TMEM131: variants seen among roughly 807,000 people sequenced by gnomAD.
TMEM131 encodes the protein 2610524E03Rik.
A neutral mutation model predicts 211.6 loss-of-function variants in TMEM131; 66 were observed. The ratio of observed to expected loss-of-function variants is 0.31; its 90% CI spans 0.26 to 0.38. The LOEUF is 0.38. Among genes scored for constraint, TMEM131 ranks in the 10% least tolerant of loss-of-function variants. TMEM131 has a pLI of 1.00. For synonymous variants in TMEM131, 844 were observed against 841.3 expected, an observed-to-expected ratio of 1.00 and a Z score of -0.06; for missense variants, 2,036 against 2,299.3, an observed-to-expected ratio of 0.89 and a Z score of 2.34.
intron 31 of TMEM131, among the ~76,000 whole-genome samples, chr2:97,788,980 A>G (rs1168519165): frequency 1.3e-5 from 2 of 152,208 alleles, no homozygotes; most frequent in Non-Finnish European, 2.9e-5. Flanking sequence ...CTTGTTAAAA[A>G]TTAAATAGGG....
intron 2 of TMEM131, among the ~76,000 whole-genome samples, chr2:97,916,845 C>A (rs1676528329): frequency 6.6e-6 from 1 of 152,184 alleles, no homozygotes; most frequent in Admixed American, 6.5e-5. Flanking sequence ...GTAAAATGAT[C>A]ATAAAATGAA....
At chr2:97,968,099 C>G (rs1679135863) in intron 1 of TMEM131, among the ~76,000 whole-genome samples, 1 of 152,122 alleles carries the variant, frequency 6.6e-6, no homozygotes, top group South Asian at 2.1e-4. Flanking sequence ...CAGCATCCAT[C>G]TGTAGGCCTG....
At chr2:97,840,033 C>T (rs1683123334) in intron 7 of TMEM131, among the ~76,000 whole-genome samples, 1 of 152,158 alleles carries the variant, frequency 6.6e-6, no homozygotes, top group African/African-American at 2.4e-5. Context: ...ACAATCTTTT[C>T]TTACTGTAAT....
chr2:97,908,391 T>C (rs1382953316), intron 3 of TMEM131, among the ~76,000 whole-genome samples: 1 of 152,192 alleles, frequency 6.6e-6, no homozygotes, highest in Non-Finnish European at 1.5e-5. Context: ...GTTACACAGC[T>C]GATCATCTCA....
At chr2:97,943,011 GAAAAGAAAAGAAAAGAAAAGAAAAGAAA>G (rs1158736251) in intron 1 of TMEM131, among the ~76,000 whole-genome samples, 70 of 48,880 alleles carry the variant, frequency 1.4e-3, no homozygotes, top group Admixed American at 7.8e-3. Flanking sequence ...AGAAAAGAAA[GAAAAGAAAAGAAAAGAAAAGAAAAGAAA>G]AGAAAGAAAG....
chr2:97,903,539 T>TA (rs1259731520), intron 3 of TMEM131, among the ~76,000 whole-genome samples: 1 of 152,104 alleles, frequency 6.6e-6, no homozygotes, highest in Non-Finnish European at 1.5e-5. Flanking sequence ...TTATGAATTA[T>TA]AAGAGAAAAA....
At chr2:97,778,186 C>G (rs1408590677) in intron 31 of TMEM131, among the ~76,000 whole-genome samples, 1 of 152,110 alleles carries the variant, frequency 6.6e-6, no homozygotes. Flanking sequence ...AATGAATTTT[C>G]AAAAACTAAA....
chr2:97,832,223 A>G (rs1010134076), intron 11 of TMEM131, among the ~76,000 whole-genome samples: 1 of 152,240 alleles, frequency 6.6e-6, no homozygotes, highest in African/African-American at 2.4e-5. Flanking sequence ...ATTCCATGTC[A>G]TAAGTGACCT....
At chr2:97,828,647 G>A (rs1682511768) in intron 11 of TMEM131, among the ~76,000 whole-genome samples, 1 of 152,232 alleles carries the variant, frequency 6.6e-6, no homozygotes. Context: ...CAAAACTGCT[G>A]AGGCCTAGAC....
At chr2:97,977,628 G>T (rs1019833183) in intron 1 of TMEM131, among the ~76,000 whole-genome samples, 5 of 152,190 alleles carry the variant, frequency 3.3e-5, no homozygotes, top group African/African-American at 1.2e-4. Context: ...TTGTATCTAA[G>T]AAAGTATATA....
At position 97,865,087 on chromosome 2, in the gene TMEM131, T is replaced by A. The variant is rs181479076; in HGVS notation, c.360-5660A>T. On this transcript the variant is annotated intron_variant, in intron 4 of 40. Transcript: ENST00000186436. ...AATCAATAGTTTTTATGTGTATGTA[T>A]GGAACTGGGGCTCTCCATTTTGGGG... is the stretch of plus-strand genomic sequence containing the variant. Among the ~76,000 whole-genome samples, 74 of 152,372 alleles carry A rather than the reference T, an allele frequency of 4.9e-4. 1 individual carries two copies. The highest frequency in any genetic ancestry group is 7.9e-4 in the Non-Finnish European group (54 of 68,028).
In TMEM131 at chr2:97,884,063, A is replaced by C. The variant is rs191702460; in HGVS notation, c.359+3989T>G. On this transcript the variant is annotated intron_variant, in intron 4 of 40. Transcript: ENST00000186436. ...TTTTTGATGTAGGATTTATTGTTAT[A>C]TAAATTTGCCTCTTAATATTGCTTT... Among the ~76,000 whole-genome samples, 17 of 152,258 alleles carry C rather than the reference A, an allele frequency of 1.1e-4. No individual in the cohort carries two copies. In the East Asian group the frequency reaches 3.3e-3, roughly 29 times the overall value.
rs370420766 is a variant in TMEM131, at chr2:97,856,908, T to C, written c.483+2396A>G. Among the ~76,000 whole-genome samples the C allele has an allele frequency of 1.6e-4, 24 of 152,304 alleles. No individual in the cohort carries two copies. The East Asian group carries it at 3.3e-3, about 21-fold the overall frequency. On this transcript the variant is annotated intron_variant, in intron 5 of 40. Coordinates refer to ENST00000186436, the MANE Select transcript of TMEM131 (RefSeq NM_015348.2). ...TTGAGCTAAATCTTGACTATTTAAA[T>C]GTGGATTTTGATAGGTGTAATTATT...
At chr2:97,916,182 C>CT (rs1676500975) in intron 2 of TMEM131, among the ~76,000 whole-genome samples, 1 of 152,322 alleles carries the variant, frequency 6.6e-6, no homozygotes, top group Admixed American at 6.5e-5. Context: ...TCCCAAAGTA[C>CT]TGGGATTATA....
chr2:97,952,223 G>A (rs1374652241), intron 1 of TMEM131, among the ~76,000 whole-genome samples: 1 of 151,460 alleles, frequency 6.6e-6, no homozygotes, highest in African/African-American at 2.4e-5. Flanking sequence ...ACAAAAAAAT[G>A]AACAAAGCCT....
chr2:97,837,322 G>A (rs1682985431), intron 7 of TMEM131, among the ~76,000 whole-genome samples, 165 bp from the exon 8 acceptor site: 1 of 152,170 alleles, frequency 6.6e-6, no homozygotes, highest in Non-Finnish European at 1.5e-5. Flanking sequence ...TGCTCTGTAT[G>A]TGTAAGCAAT....
chr2:97,897,982 T>G (rs1675686632), intron 3 of TMEM131, among the ~76,000 whole-genome samples: 1 of 152,152 alleles, frequency 6.6e-6, no homozygotes, highest in African/African-American at 2.4e-5. Flanking sequence ...TCTAAATTGC[T>G]GAATTTGAGA....
intron 5 of TMEM131, among the ~76,000 whole-genome samples, chr2:97,848,550 T>C (rs773241262): frequency 7.9e-5 from 12 of 152,212 alleles, no homozygotes; most frequent in South Asian, 2.1e-4. Context: ...GTAAATGCTA[T>C]GTAAGTAGTT....
Position 97,775,841 on chromosome 2 carries a change from A to T in TMEM131, c.4320+2T>A. 6.2e-7 allele frequency: 1 copy of T among 1,611,690 alleles called. No homozygotes were observed. Among genetic ancestry groups the T allele is most frequent in the Non-Finnish European group, 8.5e-7 (1 of 1,179,216 alleles). ...GTTTTGTTGTGTGAGATCAGCCCGTACCTCCTTGAGGAGCGGTTCTGTGTC... is the reference window on the plus strand; with the variant it reads ...GTTTTGTTGTGTGAGATCAGCCCGTTCCTCCTTGAGGAGCGGTTCTGTGTC... On this transcript the variant is annotated splice_donor_variant, in intron 32 of 40. Transcript: ENST00000186436. LOFTEE classifies it high-confidence loss of function.
Sources: allele counts gnomAD v4.1 joint callset (sites outside exome capture counted in the v4.1 genomes callset), GRCh38; gene constraint gnomAD v4.1.1; transcripts MANE v1.5; gene names NCBI Gene and HGNC (gene_info 2026-07-23, HGNC 2026-07-21).